The following FAM20A variants were observed in gnomAD, a reference collection of about 807,000 sequenced individuals.
FAM20A encodes pseudokinase FAM20A.
In FAM20A, 42 loss-of-function variants were observed where a neutral mutation model predicts 52.0. The observed-to-expected ratio is 0.81, with a 90% CI of 0.63 to 1.04. FAM20A has a LOEUF of 1.04. Among genes scored for constraint, FAM20A ranks in the 50% least tolerant of loss-of-function variants. FAM20A has a pLI of 0.00. For missense variants in FAM20A, 742 were observed against 712.7 expected, an observed-to-expected ratio of 1.04 and a Z score of -0.47; for synonymous variants, 304 against 298.9, an observed-to-expected ratio of 1.02 and a Z score of -0.18.
At chr17:68,554,081 TATAC>T (rs967237320) in intron 3 of FAM20A, among the ~76,000 whole-genome samples, 33 of 145,158 alleles carry the variant, frequency 2.3e-4, no homozygotes, top group Non-Finnish European at 4.3e-4. Context: ...TACACACATA[TATAC>T]ATATATACAC....
At chr17:68,540,363 G>A (rs920942449) in intron 8 of FAM20A, among the ~76,000 whole-genome samples, 7 of 152,172 alleles carry the variant, frequency 4.6e-5, no homozygotes, top group African/African-American at 1.7e-4. Flanking sequence ...TGAAAGGCAC[G>A]ATGATGAGCC....
At chr17:68,579,124 A>T (rs1026469923) in intron 1 of FAM20A, among the ~76,000 whole-genome samples, 1 of 152,094 alleles carries the variant, frequency 6.6e-6, no homozygotes, top group Non-Finnish European at 1.5e-5. Flanking sequence ...GGGAAGCATG[A>T]AGAGACTCCA....
Position 68,536,238 on chromosome 17 carries a change from A to G in FAM20A, c.*1239T>C, listed in dbSNP as rs745994068. On this transcript the variant is annotated 3_prime_UTR_variant, in exon 11 of 11. Coordinates refer to ENST00000592554, the MANE Select transcript of FAM20A (RefSeq NM_017565.4). ...CTCTCTTTAGTGACAGCTCCATTCT[A>G]TTCTCATGCTTACAGTATTTGAACT... The G allele has an allele frequency of 1.4e-4, 63 of 454,138 alleles. No homozygotes were observed. Among genetic ancestry groups the G allele is most frequent in the Admixed American group, 3.8e-4 (16 of 42,582 alleles). The allele number at this position is 454,138 out of a possible 1,614,324, so 28.1% of individuals were successfully genotyped here.
intron 5 of FAM20A, 56 bp downstream of exon 5, chr17:68,543,573 C>A (rs748626276): frequency 6.7e-7 from 1 of 1,497,626 alleles, no homozygotes; most frequent in South Asian, 1.1e-5. Flanking sequence ...TCTAGCCACC[C>A]CTCCCAGAGG....
intron 1 of FAM20A, among the ~76,000 whole-genome samples, chr17:68,583,601 G>T (rs1027811758): frequency 2.0e-5 from 3 of 152,106 alleles, no homozygotes; most frequent in African/African-American, 7.3e-5. Context: ...TATCTGTAAA[G>T]ACCTGTTTTT....
intron 4 of FAM20A, among the ~76,000 whole-genome samples, chr17:68,550,105 ATAAGT>A (rs1455774080): frequency 2.0e-5 from 3 of 152,150 alleles, no homozygotes; most frequent in Non-Finnish European, 4.4e-5. Context: ...GAGTGGGGAA[ATAAGT>A]TAATATTGAT....
At chr17:68,580,963 T>G (rs907360062) in intron 1 of FAM20A, among the ~76,000 whole-genome samples, 9 of 152,190 alleles carry the variant, frequency 5.9e-5, no homozygotes, top group Non-Finnish European at 1.3e-4. Flanking sequence ...GTATGACATC[T>G]GAATATGTGT....
At position 68,548,270 on chromosome 17, in the gene FAM20A, C is replaced by T. The variant is rs536746144; in HGVS notation, c.719+3603G>A. 3.9e-5 allele frequency among the ~76,000 whole-genome samples: 6 copies of T among 152,200 alleles called. No homozygotes were observed. The South Asian group carries it at 1.2e-3, about 32-fold the overall frequency. ...ATTAGCTGGGCATGGTGGCACACGC[C>T]TATAATCCCAGCACTTTGGGAGGCT... On this transcript the variant is annotated intron_variant, in intron 4 of 10. Transcript: ENST00000592554.
chr17:68,571,121 G>T (rs557604563), intron 1 of FAM20A, among the ~76,000 whole-genome samples: 1 of 152,262 alleles, frequency 6.6e-6, no homozygotes, highest in South Asian at 2.1e-4. Flanking sequence ...TGAGAAAGGG[G>T]CTGTCAGCAC....
At position 68,600,280 on chromosome 17, in the gene FAM20A, C is replaced by CTG. The variant is rs1299034440; in HGVS notation, c.386_387insCA (p.Lys129AsnfsTer17). ...GTCCTCACCTGTTCCAGCGGGCCAC[C>CTG]TTCCTCCGGTAATACCGCAGCGCCT... is the stretch of plus-strand genomic sequence containing the variant. On this transcript the variant is annotated frameshift_variant, in exon 1 of 11. Transcript: ENST00000592554. LOFTEE classifies it high-confidence loss of function. The surrounding 1 kb of genome is among the most constrained non-coding windows in gnomAD (Gnocchi z 6.2). 6.4e-7 allele frequency: 1 copy of CTG among 1,570,946 alleles called. No individual in the cohort carries two copies. Among genetic ancestry groups the CTG allele is most frequent in the Admixed American group, 1.8e-5 (1 of 54,862 alleles).
At chr17:68,594,208 G>A (rs1193645330) in intron 1 of FAM20A, among the ~76,000 whole-genome samples, 1 of 152,158 alleles carries the variant, frequency 6.6e-6, no homozygotes, top group Non-Finnish European at 1.5e-5. Flanking sequence ...TCAGGAGATC[G>A]AGACCATGGT....
intron 7 of FAM20A, 142 bp from the exon 8 acceptor site, chr17:68,541,100 GC>G: frequency 7.6e-7 from 1 of 1,318,950 alleles, no homozygotes; most frequent in Non-Finnish European, 1.0e-6. Flanking sequence ...ATTCAGAAAG[GC>G]CCTGGGCAAG....
Position 68,535,350 on chromosome 17 carries a change from A to C in FAM20A, c.*2127T>G. 1 of 454,162 alleles carries C rather than the reference A, an allele frequency of 2.2e-6. No individual in the cohort carries two copies. Among genetic ancestry groups the C allele is most frequent in the Non-Finnish European group, 4.4e-6 (1 of 226,796 alleles). 28.1% of individuals were successfully genotyped at this position (454,162 alleles called of 1,614,324 possible). A position where few individuals can be genotyped will look rare whatever the true frequency, so the allele number is the denominator to read the frequency against. On this transcript the variant is annotated 3_prime_UTR_variant, in exon 11 of 11. Coordinates refer to ENST00000592554, the MANE Select transcript of FAM20A (RefSeq NM_017565.4). ...TTGCTTTCTGTTTGTAGAGTGCAGC[A>C]AAATGTGTATATAGGCCATTGGAAA...
intron 1 of FAM20A, among the ~76,000 whole-genome samples, chr17:68,589,090 G>A (rs1398115373): frequency 1.3e-5 from 2 of 152,206 alleles, no homozygotes; most frequent in Non-Finnish European, 2.9e-5. Context: ...ACATTTAACA[G>A]GTTCTGGCCT....
chr17:68,540,362 C>G (rs976036915), intron 8 of FAM20A, among the ~76,000 whole-genome samples: 1 of 152,190 alleles, frequency 6.6e-6, no homozygotes, highest in South Asian at 2.1e-4. Context: ...CTGAAAGGCA[C>G]GATGATGAGC....
rs1483269219 is a variant in FAM20A at position 68,554,805 on chromosome 17, G to A, written c.612C>T (p.Ala204=). 3 of 1,614,160 alleles carry A rather than the reference G, an allele frequency of 1.9e-6. No homozygotes were observed. In the African/African-American group the frequency reaches 4.0e-5, roughly 22 times the overall value. The change falls in exon 3 of 11, where the codon GCC becomes GCT. Residue 204 remains alanine, a synonymous_variant. Transcript: ENST00000592554. ...ISADYSQDEK[A]LLGACDCTQI... ...GGGTGCAGTCACATGCCCCCAGCAA[G>A]GCTTTCTCATCTTGACTGTAATCTG...
intron 1 of FAM20A, chr17:68,590,127 A>G (rs910526806): frequency 1.3e-5 from 2 of 152,230 alleles, no homozygotes; most frequent in African/African-American, 4.8e-5. Flanking sequence ...AAATTACCTT[A>G]AAGTATATTT....
At position 68,600,650 on chromosome 17, in the gene FAM20A, C is replaced by G. The variant is rs1166218670; in HGVS notation, c.17G>C (p.Arg6Pro). The change falls in exon 1 of 11, where the codon CGG becomes CCG. Residue 6 changes from arginine (R) to proline (P), a missense_variant. By Grantham distance (103) the Arg-to-Pro change is moderately radical. Transcript: ENST00000592554. This position sits in a 1 kb window ranked among gnomAD's most constrained non-coding sequence, Gnocchi z 6.2. Reference protein sequence around the residue: MPGLRRDRLLTLLLLG... With the variant: MPGLRPDRLLTLLLLG... The stretch of plus-strand genomic sequence containing the variant: ...CAGCAGCAGAGTCAGTAGGCGGTCC[C>G]GGCGCAGCCCCGGCATGGCGTGCTG... 1 of 1,550,082 alleles carries G rather than the reference C, an allele frequency of 6.5e-7. No homozygotes were observed. The highest frequency in any genetic ancestry group is 8.7e-7 in the Non-Finnish European group (1 of 1,154,368).
At chr17:68,575,694 TTA>T (rs933555664) in intron 1 of FAM20A, among the ~76,000 whole-genome samples, 12 of 125,818 alleles carry the variant, frequency 9.5e-5, no homozygotes, top group East Asian at 8.2e-4. Context: ...ATATTTTATA[TTA>T]TATATATTAT....
Sources: gnomAD v4.1 joint callset for allele counts (sites outside exome capture counted in the v4.1 genomes callset) on GRCh38, gnomAD v4.1.1 for gene constraint, Gnocchi (gnomAD v3.1) non-coding constraint, MANE v1.5 for transcripts, NCBI Gene and HGNC (gene_info 2026-07-23, HGNC 2026-07-21) for gene names.